The following FHIT variants were observed in gnomAD, a reference collection of about 807,000 sequenced individuals.
FHIT encodes the protein bis(5'-adenosyl)-triphosphatase.
FHIT carries 19 observed loss-of-function variants against 17.9 expected under a neutral mutation model. The ratio of observed to expected loss-of-function variants is 1.06; its 90% CI spans 0.74 to 1.56. FHIT has a LOEUF of 1.56. Ranked by LOEUF, FHIT falls within the 40% of genes most tolerant of loss-of-function variation. FHIT has a pLI of 0.00. For synonymous variants in FHIT, 81 were observed against 69.7 expected, an observed-to-expected ratio of 1.16 and a Z score of -0.81; for missense variants, 248 against 189.2, an observed-to-expected ratio of 1.31 and a Z score of -1.82.
chr3:59,756,215 C>CTAAG (rs1462752299), intron 8 of FHIT, among the ~76,000 whole-genome samples: 1 of 152,028 alleles, frequency 6.6e-6, no homozygotes, highest in Admixed American at 6.6e-5. Context: ...TTGGACCTAA[C>CTAAG]TAACTACTTT....
intron 8 of FHIT, among the ~76,000 whole-genome samples, chr3:59,827,122 T>C (rs1701005431): frequency 6.6e-6 from 1 of 152,222 alleles, no homozygotes; most frequent in Non-Finnish European, 1.5e-5. Context: ...GTCCATTTTA[T>C]AGCACAAATG....
intron 4 of FHIT, among the ~76,000 whole-genome samples, chr3:60,783,498 T>G (rs1387555110): frequency 6.6e-6 from 1 of 152,176 alleles, no homozygotes; most frequent in Non-Finnish European, 1.5e-5. Context: ...TCTTAAATAG[T>G]GATTGATGAG....
chr3:60,297,365 G>C (rs115967565), intron 5 of FHIT, among the ~76,000 whole-genome samples: 1,854 of 151,994 alleles, frequency 0.012, 40 homozygotes, highest in African/African-American at 0.042. Flanking sequence ...TTTTTTGATA[G>C]ATTTTCATGT....
chr3:60,191,517 A>T (rs1177142244), intron 5 of FHIT, among the ~76,000 whole-genome samples: 1 of 152,202 alleles, frequency 6.6e-6, no homozygotes, highest in Non-Finnish European at 1.5e-5. Flanking sequence ...AAACCACATC[A>T]TAAAGCCGTA....
chr3:59,788,881 G>GTTTGTTTTTTTTTTT (rs1699424566), intron 8 of FHIT, among the ~76,000 whole-genome samples: 1 of 86,804 alleles, frequency 1.2e-5, no homozygotes, highest in Non-Finnish European at 2.0e-5. Context: ...GAGTTCATAT[G>GTTTGTTTTTTTTTTT]TTTTTTTTTT....
chr3:60,266,753 G>C (rs1706596376), intron 5 of FHIT, among the ~76,000 whole-genome samples: 1 of 151,970 alleles, frequency 6.6e-6, no homozygotes, highest in East Asian at 1.9e-4. Context: ...AAATGAGAGA[G>C]CAGGGCTGCA....
At chr3:60,094,088 T>C (rs1036698953) in intron 5 of FHIT, among the ~76,000 whole-genome samples, 2 of 151,962 alleles carry the variant, frequency 1.3e-5, no homozygotes, top group South Asian at 4.2e-4. Context: ...TAAAAAAAAA[T>C]ATTGAAGATT....
chr3:60,473,105 G>A (rs4234288), intron 5 of FHIT, among the ~76,000 whole-genome samples: 47,142 of 151,982 alleles, frequency 0.31, 7,964 homozygotes, highest in East Asian at 0.54. Context: ...ATTACAAACC[G>A]AAGTGAGTTA....
chr3:60,089,112 C>G (rs984990141), intron 5 of FHIT, among the ~76,000 whole-genome samples: 1 of 152,168 alleles, frequency 6.6e-6, no homozygotes, highest in African/African-American at 2.4e-5. Flanking sequence ...GAATGTTTGA[C>G]AGCTAGCTGC....
chr3:61,005,409 T>C (rs190447376), intron 3 of FHIT, among the ~76,000 whole-genome samples: 20 of 152,178 alleles, frequency 1.3e-4, no homozygotes. Flanking sequence ...ATGATAATGA[T>C]TGTGATGGTG....
chr3:59,984,416 C>T (rs563257277), intron 7 of FHIT, among the ~76,000 whole-genome samples: 20 of 152,080 alleles, frequency 1.3e-4, no homozygotes, highest in African/African-American at 4.6e-4. Context: ...TGGAAGACAG[C>T]GTGGAACATG....
At chr3:61,203,357 A>T (rs942537682) in intron 1 of FHIT, among the ~76,000 whole-genome samples, 5 of 152,012 alleles carry the variant, frequency 3.3e-5, no homozygotes, top group African/African-American at 1.2e-4. Flanking sequence ...CTCAAAAAAA[A>T]AAAAAGAAAA....
At chr3:60,390,358 A>C (rs570718122) in intron 5 of FHIT, among the ~76,000 whole-genome samples, 171 of 150,328 alleles carry the variant, frequency 1.1e-3, no homozygotes, top group Middle Eastern at 6.8e-3. Flanking sequence ...ATGACAGATT[A>C]CATAGATGAC....
intron 5 of FHIT, among the ~76,000 whole-genome samples, chr3:60,124,882 C>T (rs1705469334): frequency 1.3e-5 from 2 of 152,126 alleles, no homozygotes; most frequent in South Asian, 4.1e-4. Context: ...AAGCAGAGTC[C>T]ACTGTCAGCC....
chr3:60,324,416 C>T (rs549428760), intron 5 of FHIT, among the ~76,000 whole-genome samples: 13 of 151,982 alleles, frequency 8.6e-5, no homozygotes, highest in Non-Finnish European at 1.6e-4. Flanking sequence ...AACCCTGTCT[C>T]TACTAAAAAT....
chr3:61,212,253 A>C (rs1576231362), intron 1 of FHIT, among the ~76,000 whole-genome samples: 6 of 152,304 alleles, frequency 3.9e-5, no homozygotes, highest in Admixed American at 3.9e-4. Flanking sequence ...AAAAACTTTG[A>C]AAAAAATTTA....
chr3:59,989,899 C>T (rs893414946), intron 7 of FHIT, among the ~76,000 whole-genome samples: 3 of 152,006 alleles, frequency 2.0e-5, no homozygotes, highest in African/African-American at 7.2e-5. Flanking sequence ...AGCAGGGGTT[C>T]CTCCCCACTC....
intron 4 of FHIT, among the ~76,000 whole-genome samples, chr3:60,561,617 G>A (rs949210966): frequency 2.0e-5 from 3 of 152,252 alleles, no homozygotes; most frequent in Middle Eastern, 3.4e-3. Flanking sequence ...TATCCAGGAT[G>A]ACTTGAAAAG....
At chr3:60,354,179 A>G (rs1260339719) in intron 5 of FHIT, among the ~76,000 whole-genome samples, 1 of 152,000 alleles carries the variant, frequency 6.6e-6, no homozygotes, top group East Asian at 1.9e-4. Flanking sequence ...TGGCACCAAA[A>G]TTGTTTAAAA....
Sources: allele counts gnomAD v4.1 joint callset (sites outside exome capture counted in the v4.1 genomes callset), GRCh38; gene constraint gnomAD v4.1.1; transcripts MANE v1.5; gene names NCBI Gene and HGNC (gene_info 2026-07-23, HGNC 2026-07-21).